NDRG3: variants seen among roughly 807,000 people sequenced by gnomAD.
The protein encoded by NDRG3 is NDRG family member 3.
NDRG3 carries 23 observed loss-of-function variants against 57.2 expected under a neutral mutation model. The observed-to-expected ratio is 0.40, with a 90% CI of 0.29 to 0.57. The LOEUF (loss-of-function observed/expected upper bound fraction) is 0.57, where lower values mean the gene tolerates loss of function less well. Among genes scored for constraint, NDRG3 ranks in the 20% least tolerant of loss-of-function variants. The pLI is 0.42. For synonymous variants in NDRG3, 132 were observed against 162.6 expected (o/e 0.81, Z 1.43); for missense variants, 384 against 457.3 (o/e 0.84, Z 1.46).
intron 3 of NDRG3, among the ~76,000 whole-genome samples, chr20:36,695,919 T>C (rs570334724): frequency 1.3e-5 from 2 of 152,280 alleles, no homozygotes; most frequent in African/African-American, 2.4e-5. Flanking sequence ...GTTTTACGGC[T>C]CAGGGGGCAT....
intron 1 of NDRG3, among the ~76,000 whole-genome samples, chr20:36,733,146 CAAAAAAAAAA>C (rs141850127): frequency 1.3e-4 from 5 of 38,966 alleles, no homozygotes; most frequent in East Asian, 1.7e-3. Flanking sequence ...GATCCTGTCT[CAAAAAAAAAA>C]AAAAAAAAAA....
chr20:36,741,240 G>C (rs189441476), intron 1 of NDRG3, among the ~76,000 whole-genome samples: 7 of 152,040 alleles, frequency 4.6e-5, no homozygotes, highest in Admixed American at 3.9e-4. Flanking sequence ...GCCAAGCACA[G>C]AGCTAGACCC....
intron 7 of NDRG3, among the ~76,000 whole-genome samples, chr20:36,681,568 G>A (rs1229156440): frequency 2.0e-5 from 3 of 148,214 alleles, no homozygotes; most frequent in South Asian, 2.2e-4. Context: ...CCCAGGAGGC[G>A]GAGGTTGCAG....
At chr20:36,690,427 G>C (rs1257279078) in intron 3 of NDRG3, among the ~76,000 whole-genome samples, 1 of 146,176 alleles carries the variant, frequency 6.8e-6, no homozygotes, top group Non-Finnish European at 1.5e-5. Flanking sequence ...GATGCACCGA[G>C]CAAAGCTGAG....
intron 1 of NDRG3, among the ~76,000 whole-genome samples, chr20:36,744,969 G>C (rs1044224461): frequency 1.7e-5 from 1 of 60,336 alleles, no homozygotes; most frequent in Non-Finnish European, 3.4e-5. Flanking sequence ...CCAGGGTAAG[G>C]GGGGGGGGGG....
chr20:36,687,340 C>T (rs1411502924), intron 5 of NDRG3, 152 bp downstream of exon 5: 13 of 989,428 alleles, frequency 1.3e-5, no homozygotes, highest in Non-Finnish European at 1.7e-5. Flanking sequence ...CCTCTCAGCC[C>T]AAGGAGAGAA....
chr20:36,682,541 C>G lies in NDRG3; in HGVS notation c.421G>C (p.Ala141Pro). ...ACTGCAAATCTGCTGAGGATGTAAGCTCCAGCTCCAACTCCAATTCCAATG... is the reference window on the plus strand; with the variant it reads ...ACTGCAAATCTGCTGAGGATGTAAGGTCCAGCTCCAACTCCAATTCCAATG... ...SIIGIGVGAG[A>P]YILSRFALNH... Residue 141 changes from alanine to proline, a missense_variant, in exon 7 of 16, where the codon GCT (alanine) becomes CCT (proline). Transcript: ENST00000349004. The G allele has an allele frequency of 6.2e-7, 1 of 1,614,106 alleles. No homozygotes were observed. Among genetic ancestry groups the G allele is most frequent in the Non-Finnish European group, 8.5e-7 (1 of 1,179,948 alleles).
chr20:36,723,708 TTTG>T (rs1984749012), intron 1 of NDRG3, among the ~76,000 whole-genome samples: 2 of 139,464 alleles, frequency 1.4e-5, no homozygotes, highest in African/African-American at 5.6e-5. Context: ...GTCTGGTGTT[TTTG>T]TTTTTTTTTT....
intron 4 of NDRG3, 26 bp downstream of exon 4, chr20:36,688,653 G>A: frequency 1.4e-6 from 2 of 1,463,440 alleles, no homozygotes; most frequent in Non-Finnish European, 9.6e-7. Context: ...ATGATAAGAA[G>A]GGAAGGTGTA....
chr20:36,672,434 T>C (rs1025603843), intron 8 of NDRG3, among the ~76,000 whole-genome samples: 1 of 152,136 alleles, frequency 6.6e-6, no homozygotes, highest in Non-Finnish European at 1.5e-5. Flanking sequence ...GAGACAGACA[T>C]GGCTATGCCT....
chr20:36,719,479 G>A (rs1300512397), intron 2 of NDRG3, among the ~76,000 whole-genome samples: 2 of 151,274 alleles, frequency 1.3e-5, no homozygotes, highest in East Asian at 3.9e-4. Context: ...GAAGTCTGGT[G>A]AAAGATAAAA....
At chr20:36,668,914 C>T (rs917242502) in intron 9 of NDRG3, among the ~76,000 whole-genome samples, 8 of 151,744 alleles carry the variant, frequency 5.3e-5, no homozygotes, top group African/African-American at 1.7e-4. Context: ...TTAGCTTTCC[C>T]CTCAGAGGCT....
chr20:36,674,631 T>C (rs1980494100), intron 8 of NDRG3, among the ~76,000 whole-genome samples: 1 of 147,420 alleles, frequency 6.8e-6, no homozygotes, highest in Non-Finnish European at 1.5e-5. Context: ...AAGGTCTCTC[T>C]CTGTCACCCA....
At chr20:36,732,776 T>A (rs555754941) in intron 1 of NDRG3, among the ~76,000 whole-genome samples, 3 of 152,112 alleles carry the variant, frequency 2.0e-5, no homozygotes, top group East Asian at 3.9e-4. Flanking sequence ...CCTGGGGACA[T>A]GAGGGTCTCA....
intron 8 of NDRG3, among the ~76,000 whole-genome samples, chr20:36,673,666 A>C (rs1243474999): frequency 2.0e-5 from 3 of 151,638 alleles, no homozygotes; most frequent in Non-Finnish European, 4.4e-5. Flanking sequence ...CGCCCACTTT[A>C]ATGAATACTT....
intron 3 of NDRG3, among the ~76,000 whole-genome samples, chr20:36,700,113 C>CAA (rs1294581784): frequency 4.9e-4 from 23 of 47,006 alleles, no homozygotes; most frequent in African/African-American, 1.0e-3. Context: ...CAATCAGTCT[C>CAA]AAAAAAAAAA....
intron 7 of NDRG3, 75 bp downstream of exon 7, chr20:36,682,443 C>A: frequency 2.5e-6 from 3 of 1,193,470 alleles, no homozygotes; most frequent in South Asian, 2.6e-5. Context: ...ACTGCCTGGT[C>A]ATTTAACACA....
chr20:36,706,858 A>G (rs1264764481), intron 3 of NDRG3, 114 bp downstream of exon 3: 52 of 860,038 alleles, frequency 6.0e-5, no homozygotes, highest in Non-Finnish European at 9.3e-5. Context: ...ACGAACATTA[A>G]GGACTCATTA....
chr20:36,728,525 C>T (rs1985083012), intron 1 of NDRG3, among the ~76,000 whole-genome samples: 1 of 152,162 alleles, frequency 6.6e-6, no homozygotes, highest in Non-Finnish European at 1.5e-5. Context: ...TGGACACATA[C>T]ATACATAAAC....
Sources: allele counts gnomAD v4.1 joint callset (sites outside exome capture counted in the v4.1 genomes callset), GRCh38; gene constraint gnomAD v4.1.1; transcripts MANE v1.5; gene names NCBI Gene and HGNC (gene_info 2026-07-23, HGNC 2026-07-21).